Variants in AP1G1 observed in about 807,000 individuals in gnomAD.
The protein encoded by AP1G1 is AP-1 complex subunit gamma-1.
In AP1G1, 7 loss-of-function variants were observed where a neutral mutation model predicts 108.3. That is an observed-to-expected ratio of 0.06 (90% CI 0.04 to 0.12). AP1G1 has a LOEUF of 0.12. Ranked by LOEUF, AP1G1 falls within the 10% of genes least tolerant of loss-of-function variation. The probability of loss-of-function intolerance (pLI) is 1.00; values close to 1 mark genes in which losing one functional copy is unlikely to be tolerated. For synonymous variants in AP1G1, 379 were observed against 353.5 expected (o/e 1.07, Z -0.81); for missense variants, 756 against 1,010.7 (o/e 0.75, Z 3.42).
intron 1 of AP1G1, chr16:71,807,766 C>T: frequency 7.9e-7 from 1 of 1,266,328 alleles, no homozygotes; most frequent in Non-Finnish European, 1.0e-6. Context: ...GTTAACTAAT[C>T]ACTGTAAAGC....
At chr16:71,794,877 C>G (rs968349376) in intron 1 of AP1G1, among the ~76,000 whole-genome samples, 1 of 65,972 alleles carries the variant, frequency 1.5e-5, no homozygotes, top group African/African-American at 6.4e-5. Flanking sequence ...TTTGAAATGC[C>G]TATTTTTCCC....
chr16:71,772,918 A>T, intron 4 of AP1G1: 1 of 411,250 alleles, frequency 2.4e-6, no homozygotes, highest in Non-Finnish European at 4.6e-6. Flanking sequence ...GGTATTAATT[A>T]TTAGGACAAA....
chr16:71,750,392 T>C, intron 13 of AP1G1, 60 bp from the exon 14 acceptor site: 1 of 1,585,436 alleles, frequency 6.3e-7, no homozygotes, highest in Non-Finnish European at 8.6e-7. Context: ...TAACAAGTGT[T>C]AGCTATTATT....
At chr16:71,767,851 C>A (rs768773811) in intron 6 of AP1G1, 1 of 1,598,082 alleles carries the variant, frequency 6.3e-7, no homozygotes. Context: ...CCAGCATGCA[C>A]CATCTAAAAG....
At chr16:71,808,643 C>G in intron 1 of AP1G1, 120 bp downstream of exon 1, 1 of 1,289,782 alleles carries the variant, frequency 7.8e-7, no homozygotes, top group Non-Finnish European at 1.0e-6. Context: ...GTCTTCTCTT[C>G]TCAACACCCA....
At chr16:71,753,021 T>C (rs1232538568) in intron 13 of AP1G1, among the ~76,000 whole-genome samples, 1 of 152,236 alleles carries the variant, frequency 6.6e-6, no homozygotes, top group Admixed American at 6.5e-5. Flanking sequence ...GTTGTTAATT[T>C]GCCTTTTAAA....
intron 2 of AP1G1, chr16:71,777,762 C>T (rs2031846778): frequency 1.1e-5 from 5 of 446,222 alleles, no homozygotes; most frequent in Admixed American, 5.0e-5. Flanking sequence ...TTCTGGCTTG[C>T]CTCCTCCTCC....
chr16:71,803,813 T>C (rs2032894969), intron 1 of AP1G1, among the ~76,000 whole-genome samples: 1 of 150,806 alleles, frequency 6.6e-6, no homozygotes, highest in Admixed American at 6.7e-5. Flanking sequence ...TAGTCCCAGC[T>C]ACTCGGGAGG....
At chr16:71,776,862 C>T (rs1264050481) in intron 2 of AP1G1, among the ~76,000 whole-genome samples, 1 of 151,908 alleles carries the variant, frequency 6.6e-6, no homozygotes, top group Non-Finnish European at 1.5e-5. Flanking sequence ...GTAATCCCAG[C>T]ACTTTGGGAG....
intron 6 of AP1G1, among the ~76,000 whole-genome samples, chr16:71,766,186 TAA>T (rs1421113636): frequency 1.3e-5 from 2 of 152,162 alleles, no homozygotes; most frequent in Non-Finnish European, 2.9e-5. Context: ...TCTTTCATCT[TAA>T]GAGACATCAA....
intron 5 of AP1G1, among the ~76,000 whole-genome samples, chr16:71,769,926 G>A (rs2270828): frequency 6.6e-6 from 1 of 152,134 alleles, no homozygotes; most frequent in East Asian, 1.9e-4. Context: ...ACAATTATGT[G>A]ATCAAAATAA....
intron 4 of AP1G1, among the ~76,000 whole-genome samples, chr16:71,772,369 T>C (rs1389769358): frequency 2.0e-5 from 3 of 152,324 alleles, no homozygotes; most frequent in African/African-American, 7.2e-5. Flanking sequence ...GACCTTGTGA[T>C]CCACCCATCT....
At chr16:71,752,440 T>C (rs1422023621) in intron 13 of AP1G1, among the ~76,000 whole-genome samples, 2 of 152,178 alleles carry the variant, frequency 1.3e-5, no homozygotes, top group Non-Finnish European at 2.9e-5. Flanking sequence ...TACATATACA[T>C]ATAAGTCATA....
At chr16:71,801,226 A>C (rs2032786364) in intron 1 of AP1G1, among the ~76,000 whole-genome samples, 1 of 152,116 alleles carries the variant, frequency 6.6e-6, no homozygotes, top group East Asian at 1.9e-4. Flanking sequence ...AGAATCACTG[A>C]ACCCAGGAGG....
chr16:71,759,852 T>C (rs2030994438), intron 10 of AP1G1, among the ~76,000 whole-genome samples: 1 of 151,896 alleles, frequency 6.6e-6, no homozygotes, highest in Admixed American at 6.6e-5. Flanking sequence ...TTCCAAATAG[T>C]AAAACAAAAA....
Position 71,746,647 on chromosome 16 carries a change from C to A in AP1G1, c.1671G>T (p.Val557=). 6.2e-7 allele frequency: 1 copy of A among 1,613,316 alleles called. No individual in the cohort carries two copies. Among genetic ancestry groups the A allele is most frequent in the Non-Finnish European group, 8.5e-7 (1 of 1,179,746 alleles). ...VVSIYGSSID[V]ELQQRAVEYN... ...ATTCTACTGCCCTCTGCTGGAGTTC[C>A]ACATCAATGCTGCTTCCGTAGATGG... Residue 557 remains valine, a synonymous_variant, in exon 17 of 23, where the codon GTG becomes GTT. Transcript: ENST00000299980.
chr16:71,807,769 T>C, intron 1 of AP1G1: 2 of 1,276,648 alleles, frequency 1.6e-6, no homozygotes, highest in Non-Finnish European at 2.0e-6. Context: ...AACTAATCAC[T>C]GTAAAGCAGC....
intron 2 of AP1G1, among the ~76,000 whole-genome samples, chr16:71,786,298 A>T (rs1049102943): frequency 7.9e-5 from 12 of 152,060 alleles, no homozygotes; most frequent in Non-Finnish European, 1.3e-4. Flanking sequence ...AATATCCCCC[A>T]AAGTCTTAAA....
intron 13 of AP1G1, among the ~76,000 whole-genome samples, chr16:71,751,053 G>A (rs2030471003): frequency 6.6e-6 from 1 of 151,158 alleles, no homozygotes; most frequent in Non-Finnish European, 1.5e-5. Flanking sequence ...TACTCAGGAG[G>A]CTGAGACAGC....
Sources: gnomAD v4.1 joint callset for allele counts (sites outside exome capture counted in the v4.1 genomes callset) on GRCh38, gnomAD v4.1.1 for gene constraint, MANE v1.5 for transcripts, NCBI Gene and HGNC (gene_info 2026-07-23, HGNC 2026-07-21) for gene names.